Variants in VEPH1 observed in about 807,000 individuals in gnomAD.
The protein encoded by VEPH1 is ventricular zone-expressed PH domain-containing protein homolog 1.
VEPH1 carries 80 observed loss-of-function variants against 85.2 expected under a neutral mutation model. The observed-to-expected ratio is 0.94, with a 90% confidence interval of 0.78 to 1.13. VEPH1 has a LOEUF of 1.13. VEPH1 is among the 50% of genes most tolerant of loss of function. The pLI, the probability that VEPH1 is intolerant of heterozygous loss-of-function variation, is 0.00. For missense variants in VEPH1, 955 were observed against 980.5 expected (o/e 0.97, Z 0.35); for synonymous variants, 297 against 348.0 (o/e 0.85, Z 1.63).
chr3:157,496,468 A>G (rs550044614), intron 1 of VEPH1, among the ~76,000 whole-genome samples: 4 of 152,358 alleles, frequency 2.6e-5, no homozygotes, highest in Admixed American at 2.0e-4. Context: ...AGTCCAGTGC[A>G]CTTCCCTCAC....
intron 3 of VEPH1, among the ~76,000 whole-genome samples, chr3:157,463,326 C>T (rs759779242): frequency 6.6e-6 from 1 of 152,142 alleles, no homozygotes; most frequent in Non-Finnish European, 1.5e-5. Flanking sequence ...ACTATTAAGT[C>T]AGTCGTGTTG....
At chr3:157,388,985 A>T (rs1254898159) in intron 6 of VEPH1, among the ~76,000 whole-genome samples, 1 of 152,160 alleles carries the variant, frequency 6.6e-6, no homozygotes, top group Admixed American at 6.5e-5. Flanking sequence ...TGGGAATAAC[A>T]AGTAGCTATG....
At chr3:157,483,726 AT>A (rs1289123954) in intron 2 of VEPH1, among the ~76,000 whole-genome samples, 33 of 152,134 alleles carry the variant, frequency 2.2e-4, no homozygotes, top group Admixed American at 2.2e-3. Flanking sequence ...AGATCAAGAA[AT>A]ATTGAAGATA....
chr3:157,315,112 T>A (rs985358934), intron 10 of VEPH1, among the ~76,000 whole-genome samples: 1 of 152,106 alleles, frequency 6.6e-6, no homozygotes, highest in African/African-American at 2.4e-5. Flanking sequence ...TGAAATCATA[T>A]GTTCTTTTTA....
At chr3:157,495,026 A>G (rs978110361) in intron 2 of VEPH1, among the ~76,000 whole-genome samples, 186 bp downstream of exon 2, 3 of 152,212 alleles carry the variant, frequency 2.0e-5, no homozygotes, top group Admixed American at 6.5e-5. Flanking sequence ...ACTGCCCCCT[A>G]CTAAGCCATG....
chr3:157,491,523 C>T (rs1032393712), intron 2 of VEPH1, among the ~76,000 whole-genome samples: 2 of 152,108 alleles, frequency 1.3e-5, no homozygotes, highest in Admixed American at 6.6e-5. Flanking sequence ...AAGGGCAAAA[C>T]ATTTCATAGT....
At chr3:157,372,036 A>G (rs558657600) in intron 7 of VEPH1, among the ~76,000 whole-genome samples, 6 of 152,298 alleles carry the variant, frequency 3.9e-5, no homozygotes, top group African/African-American at 7.2e-5. Flanking sequence ...AGCACTGTCA[A>G]TCAAGAGGGA....
rs529182073 is a variant in VEPH1 at position 157,429,419 on chromosome 3, T to G, written c.530-931A>C. On this transcript the variant is annotated intron_variant, in intron 4 of 13. Coordinates refer to ENST00000362010, the MANE Select transcript of VEPH1 (RefSeq NM_001167912.2). Reference sequence around the variant, plus strand: ...ACATGCCTATATATAAAAGACAATTTAGATATGATCATTAAAGAAAGAAGG... The same window carrying G: ...ACATGCCTATATATAAAAGACAATTGAGATATGATCATTAAAGAAAGAAGG... 4.6e-5 allele frequency among the ~76,000 whole-genome samples: 7 copies of G among 152,350 alleles called. No homozygotes were observed. The South Asian group carries it at 1.2e-3, about 27-fold the overall frequency.
chr3:157,301,030 G>A (rs1408618792), intron 11 of VEPH1, among the ~76,000 whole-genome samples: 1 of 152,198 alleles, frequency 6.6e-6, no homozygotes, highest in Non-Finnish European at 1.5e-5. Flanking sequence ...ATGAACTATC[G>A]TGGCTCTGGT....
At chr3:157,305,743 C>T (rs1719443428) in intron 11 of VEPH1, among the ~76,000 whole-genome samples, 1 of 152,174 alleles carries the variant, frequency 6.6e-6, no homozygotes, top group South Asian at 2.1e-4. Flanking sequence ...AACTCTTGCT[C>T]AAGCCAGCAC....
intron 6 of VEPH1, among the ~76,000 whole-genome samples, chr3:157,411,871 G>T (rs536785983): frequency 6.6e-6 from 1 of 152,252 alleles, no homozygotes; most frequent in South Asian, 2.1e-4. Context: ...TCTCTTTCAG[G>T]TTAGCCTTTG....
chr3:157,264,771 G>A (rs1321340250), intron 13 of VEPH1, among the ~76,000 whole-genome samples: 2 of 150,042 alleles, frequency 1.3e-5, no homozygotes, highest in African/African-American at 4.8e-5. Flanking sequence ...AAAAATGCTA[G>A]TCATTATGAT....
At chr3:157,364,694 C>T (rs1433018384) in intron 7 of VEPH1, among the ~76,000 whole-genome samples, 182 bp from the exon 8 acceptor site, 1 of 152,172 alleles carries the variant, frequency 6.6e-6, no homozygotes, top group Non-Finnish European at 1.5e-5. Flanking sequence ...ACAGCTTGTT[C>T]TGCCAGAAAT....
At chr3:157,465,941 G>C (rs1315629203) in intron 3 of VEPH1, among the ~76,000 whole-genome samples, 2 of 152,174 alleles carry the variant, frequency 1.3e-5, no homozygotes, top group African/African-American at 4.8e-5. Context: ...TAAATACATG[G>C]CAATGGCTCT....
At chr3:157,433,207 TCTC>T (rs1352667931) in intron 4 of VEPH1, among the ~76,000 whole-genome samples, 1 of 152,150 alleles carries the variant, frequency 6.6e-6, no homozygotes, top group East Asian at 1.9e-4. Flanking sequence ...TTATGTTTCT[TCTC>T]CTTATGTCCT....
rs751114692 is a variant in VEPH1, at chr3:157,313,747, A to G, written c.1884T>C (p.Phe628=). ...GACTCTGAATGGACAGGGGTTCAGGAAACAGGCTCTGAAAGGGCATTAAAG... is the reference window on the plus strand; with the variant it reads ...GACTCTGAATGGACAGGGGTTCAGGGAACAGGCTCTGAAAGGGCATTAAAG... ...QIMFLFQQSL[F]PEPLSIQSHS... The change falls in exon 11 of 14, where the codon TTT becomes TTC. Residue 628 remains phenylalanine, a synonymous_variant. Coordinates refer to ENST00000362010, the MANE Select transcript of VEPH1 (RefSeq NM_001167912.2). The G allele has an allele frequency of 1.2e-6, 2 of 1,614,040 alleles. No homozygotes were observed. The highest frequency in any genetic ancestry group is 2.7e-5 in the African/African-American group (2 of 74,938).
chr3:157,481,381 C>T (rs1160512432), intron 2 of VEPH1, among the ~76,000 whole-genome samples: 1 of 137,122 alleles, frequency 7.3e-6, no homozygotes, highest in African/African-American at 2.7e-5. Flanking sequence ...AAATTACCAA[C>T]ATCATTTTTC....
chr3:157,442,754 C>A, intron 4 of VEPH1: 1 of 1,614,188 alleles, frequency 6.2e-7, no homozygotes, highest in South Asian at 1.1e-5. Context: ...AGGGAGGAAT[C>A]CTGCAGATTG....
At chr3:157,407,018 A>T (rs966446163) in intron 6 of VEPH1, among the ~76,000 whole-genome samples, 1 of 151,948 alleles carries the variant, frequency 6.6e-6, no homozygotes, top group Non-Finnish European at 1.5e-5. Context: ...AATCAATGCC[A>T]TTCCTAAAGT....
Sources: gnomAD v4.1 joint callset for allele counts (sites outside exome capture counted in the v4.1 genomes callset) on GRCh38, gnomAD v4.1.1 for gene constraint, MANE v1.5 for transcripts, NCBI Gene and HGNC (gene_info 2026-07-23, HGNC 2026-07-21) for gene names.